Variants in RNF121 observed in about 807,000 individuals in gnomAD.
RNF121 encodes ring finger protein 121.
Under a neutral mutation model 46.5 loss-of-function variants are expected in RNF121, and 21 were observed. That is an observed-to-expected ratio of 0.45 (90% CI 0.32 to 0.65). RNF121 has a LOEUF of 0.65. Ranked by LOEUF, RNF121 falls within the 30% of genes least tolerant of loss-of-function variation. The probability of loss-of-function intolerance (pLI) is 0.04; values close to 1 mark genes in which losing one functional copy is unlikely to be tolerated. For synonymous variants in RNF121, 139 were observed against 144.7 expected (o/e 0.96, Z 0.28); for missense variants, 346 against 416.0 (o/e 0.83, Z 1.46).
chr11:71,981,347 G>A (rs1954651653), intron 3 of RNF121, among the ~76,000 whole-genome samples: 1 of 152,208 alleles, frequency 6.6e-6, no homozygotes, highest in African/African-American at 2.4e-5. Flanking sequence ...ACCACGGCCA[G>A]CCGAGTAAAT....
At chr11:71,965,219 G>A (rs1646588225) in intron 3 of RNF121, among the ~76,000 whole-genome samples, 1 of 151,550 alleles carries the variant, frequency 6.6e-6, no homozygotes, top group Non-Finnish European at 1.5e-5. Flanking sequence ...ATATTGGTGG[G>A]TATATCATCC....
At chr11:71,985,226 C>T (rs1291453613) in intron 4 of RNF121, among the ~76,000 whole-genome samples, 1 of 152,156 alleles carries the variant, frequency 6.6e-6, no homozygotes, top group East Asian at 1.9e-4. Context: ...TGTGCCTGCC[C>T]TCAAAGCACT....
At chr11:71,940,182 T>C (rs2134151421) in intron 1 of RNF121, among the ~76,000 whole-genome samples, 1 of 152,382 alleles carries the variant, frequency 6.6e-6, no homozygotes, top group South Asian at 2.1e-4. Context: ...AACTGCATGC[T>C]TTGTGCAAGT....
intron 5 of RNF121, among the ~76,000 whole-genome samples, chr11:71,988,129 T>A (rs1324588461): frequency 6.6e-6 from 1 of 152,236 alleles, no homozygotes; most frequent in African/African-American, 2.4e-5. Flanking sequence ...AACGCTGCTC[T>A]GTTGCTTCCT....
intron 3 of RNF121, among the ~76,000 whole-genome samples, chr11:71,971,396 A>C (rs77912446): frequency 0.026 from 3,994 of 152,290 alleles, 165 homozygotes; most frequent in African/African-American, 0.091. Context: ...ATAAATAAGT[A>C]AATGAACTTT....
At chr11:71,994,032 G>A (rs577433389) in intron 6 of RNF121, among the ~76,000 whole-genome samples, 4 of 152,026 alleles carry the variant, frequency 2.6e-5, no homozygotes, top group African/African-American at 9.6e-5. Flanking sequence ...AGTAGAGACG[G>A]GGTTTCACTG....
In RNF121 at chr11:71,993,114, T is replaced by C. The variant is rs60435912; in HGVS notation, c.628-1605T>C. On this transcript the variant is annotated intron_variant, in intron 6 of 8. Transcript: ENST00000361756. The stretch of plus-strand genomic sequence containing the variant: ...ACATTGGATCACTTTATTGACAGTT[T>C]ATTAGGTTCCTTTTTGAACAACTGT... Among the ~76,000 whole-genome samples the C allele has an allele frequency of 2.1e-3, 317 of 152,340 alleles. 10 individuals are homozygous for C. The East Asian group carries it at 0.057, about 27-fold the overall frequency.
chr11:71,976,911 AT>A (rs1954537441), intron 3 of RNF121, among the ~76,000 whole-genome samples: 1 of 151,904 alleles, frequency 6.6e-6, no homozygotes, highest in African/African-American at 2.4e-5. Flanking sequence ...AACTTTTTTC[AT>A]TTTGATCTTA....
intron 8 of RNF121, among the ~76,000 whole-genome samples, chr11:71,995,819 T>C (rs1474491593): frequency 6.6e-6 from 1 of 152,222 alleles, no homozygotes; most frequent in Non-Finnish European, 1.5e-5. Flanking sequence ...TATCTTACAC[T>C]GGCAGTTCCT....
At chr11:71,977,321 GAT>G (rs1369644210) in intron 3 of RNF121, among the ~76,000 whole-genome samples, 1 of 152,200 alleles carries the variant, frequency 6.6e-6, no homozygotes, top group Admixed American at 6.5e-5. Context: ...CACAGGGAAA[GAT>G]ATGATCTATT....
rs188112444 is a variant in RNF121, at chr11:71,982,422, C to T, written c.244-339C>T. Among the ~76,000 whole-genome samples the T allele has an allele frequency of 1.1e-3, 164 of 150,726 alleles. 3 individuals are homozygous for T. Among genetic ancestry groups the T allele is most frequent in the Admixed American group, 0.011 (162 of 15,096 alleles). On this transcript the variant is annotated intron_variant, in intron 3 of 8. Transcript: ENST00000361756. Reference sequence around the variant, plus strand: ...CAGAGAAATGACATGGTGAAGATTTCGTGTTCGAGATACCATTCTGGCACT... The same window carrying T: ...CAGAGAAATGACATGGTGAAGATTTTGTGTTCGAGATACCATTCTGGCACT...
intron 1 of RNF121, among the ~76,000 whole-genome samples, chr11:71,940,073 C>T (rs1365108769): frequency 6.6e-6 from 1 of 152,160 alleles, no homozygotes; most frequent in African/African-American, 2.4e-5. Context: ...GATAGGAGGC[C>T]ACTTTAGGCC....
intron 3 of RNF121, among the ~76,000 whole-genome samples, chr11:71,964,769 G>A (rs149911448): frequency 1.8e-4 from 27 of 152,224 alleles, no homozygotes; most frequent in Admixed American, 6.5e-4. Flanking sequence ...GTGAGCCACC[G>A]TGCCTGGTAT....
At chr11:71,959,518 A>T (rs971867376) in intron 2 of RNF121, among the ~76,000 whole-genome samples, 14 of 152,114 alleles carry the variant, frequency 9.2e-5, no homozygotes, top group African/African-American at 3.1e-4. Flanking sequence ...ATTGTATAAA[A>T]GCTTATGACT....
chr11:71,934,725 G>A (rs1219360739), intron 1 of RNF121, among the ~76,000 whole-genome samples: 3 of 152,032 alleles, frequency 2.0e-5, no homozygotes, highest in African/African-American at 7.3e-5. Flanking sequence ...GTGTAGTGGG[G>A]AAAAAGCCAT....
chr11:71,961,132 C>T (rs909428947), intron 3 of RNF121, among the ~76,000 whole-genome samples: 2 of 152,044 alleles, frequency 1.3e-5, no homozygotes, highest in African/African-American at 4.8e-5. Context: ...GTTTTCCCTT[C>T]GAAACATTGT....
At chr11:71,948,799 A>C (rs897178640) in intron 1 of RNF121, among the ~76,000 whole-genome samples, 2 of 152,186 alleles carry the variant, frequency 1.3e-5, no homozygotes, top group East Asian at 3.9e-4. Context: ...TTGGGGAAGA[A>C]TGTGAATGAG....
chr11:71,974,479 A>G (rs553388014), intron 3 of RNF121, among the ~76,000 whole-genome samples: 1 of 152,304 alleles, frequency 6.6e-6, no homozygotes, highest in South Asian at 2.1e-4. Context: ...TCTGTAAGGT[A>G]GTCAGGGTAG....
chr11:71,990,231 A>G (rs12288772), intron 5 of RNF121, among the ~76,000 whole-genome samples: 112 of 152,310 alleles, frequency 7.4e-4, no homozygotes, highest in African/African-American at 2.5e-3. Flanking sequence ...CAGCTCACTT[A>G]GTGTCCAGAA....
Sources: allele counts gnomAD v4.1 joint callset (sites outside exome capture counted in the v4.1 genomes callset), GRCh38; gene constraint gnomAD v4.1.1; transcripts MANE v1.5; gene names NCBI Gene and HGNC (gene_info 2026-07-23, HGNC 2026-07-21).